Variants in ABHD17B observed in about 807,000 individuals in gnomAD.
ABHD17B encodes the protein abhydrolase domain containing 17B, depalmitoylase, also known as alpha/beta hydrolase domain-containing protein 17B.
ABHD17B carries 9 observed loss-of-function variants against 26.2 expected under a neutral mutation model. The ratio of observed to expected loss-of-function variants is 0.34; its 90% confidence interval spans 0.21 to 0.60. The LOEUF (loss-of-function observed/expected upper bound fraction) is 0.60, where lower values mean the gene tolerates loss of function less well. ABHD17B is among the 20% of genes least tolerant of loss of function. The pLI is 0.80. For missense variants in ABHD17B, 224 were observed against 352.1 expected, an observed-to-expected ratio of 0.64 and a Z score of 2.91; for synonymous variants, 127 against 122.3, an observed-to-expected ratio of 1.04 and a Z score of -0.25.
intron 1 of ABHD17B, among the ~76,000 whole-genome samples, 197 bp from the exon 2 acceptor site, chr9:71,875,280 C>T (rs927532167): frequency 3.7e-4 from 55 of 150,520 alleles, no homozygotes; most frequent in African/African-American, 1.3e-3. Context: ...GGCTGGAGTG[C>T]AATGGCGCAA....
chr9:71,862,454 G>A (rs1216041199), downstream of ABHD17B: 6 of 1,083,154 alleles, frequency 5.5e-6, no homozygotes, highest in Non-Finnish European at 6.2e-6. Flanking sequence ...GACTAACATT[G>A]GAGAGCAAAT....
intron 1 of ABHD17B, among the ~76,000 whole-genome samples, chr9:71,890,543 G>T (rs1826752082): frequency 6.6e-6 from 1 of 151,992 alleles, no homozygotes; most frequent in South Asian, 2.1e-4. Context: ...TTATCTATTG[G>T]TTGATTCTCA....
At chr9:71,900,966 T>C (rs1009275524) in intron 1 of ABHD17B, among the ~76,000 whole-genome samples, 5 of 151,754 alleles carry the variant, frequency 3.3e-5, no homozygotes, top group Non-Finnish European at 7.4e-5. Context: ...TGGCTAACAC[T>C]GTGAAACCCC....
At chr9:71,864,246 G>T (rs544615764), downstream of ABHD17B, among the ~76,000 whole-genome samples, 117 of 114,730 alleles carry the variant, frequency 1.0e-3, no homozygotes, top group African/African-American at 3.8e-3. Flanking sequence ...TTGAGACAGA[G>T]TCTCGCTCTG....
intron 1 of ABHD17B, among the ~76,000 whole-genome samples, chr9:71,900,871 T>C (rs1019187796): frequency 5.9e-5 from 9 of 151,860 alleles, no homozygotes; most frequent in African/African-American, 2.2e-4. Context: ...TTGCATGGGC[T>C]GGGTGCAGTG....
chr9:71,890,403 A>G (rs1826747829), intron 1 of ABHD17B, among the ~76,000 whole-genome samples: 1 of 152,168 alleles, frequency 6.6e-6, no homozygotes, highest in Non-Finnish European at 1.5e-5. Flanking sequence ...TTATAGCTGA[A>G]CCTGTATTTC....
At chr9:71,869,915 C>T (rs2132126415) in intron 3 of ABHD17B, among the ~76,000 whole-genome samples, 168 bp downstream of exon 3, 1 of 152,324 alleles carries the variant, frequency 6.6e-6, no homozygotes, top group South Asian at 2.1e-4. Flanking sequence ...AGCCTTCTGA[C>T]TGGTCACCTG....
intron 1 of ABHD17B, 124 bp from the exon 2 acceptor site, chr9:71,875,207 G>T: frequency 6.6e-6 from 5 of 758,448 alleles, no homozygotes; most frequent in Middle Eastern, 3.7e-4. Context: ...TTTTAGGTAT[G>T]ATTCCAAACA....
intron 3 of ABHD17B, among the ~76,000 whole-genome samples, chr9:71,867,983 G>C (rs1826004155): frequency 6.7e-6 from 1 of 149,870 alleles, no homozygotes; most frequent in Non-Finnish European, 1.5e-5. Flanking sequence ...GTAGTGGGTG[G>C]ATCACCTGAG....
rs531590770 is a variant in ABHD17B, at chr9:71,879,705, T to G, written c.-3-4622A>C. On this transcript the variant is annotated intron_variant, in intron 1 of 3. Transcript: ENST00000333421. ...TTTCAGAAAAGGCTTCCACTACTAC[T>G]AATAGCAAATAGCATTAACTGAACA... Among the ~76,000 whole-genome samples the G allele has an allele frequency of 2.0e-5, 3 of 152,348 alleles. No homozygotes were observed. In the South Asian group the frequency reaches 6.2e-4, roughly 32 times the overall value.
intron 2 of ABHD17B, among the ~76,000 whole-genome samples, chr9:71,871,163 C>T (rs188962094): frequency 1.3e-5 from 2 of 152,324 alleles, no homozygotes; most frequent in East Asian, 3.9e-4. Flanking sequence ...AGCAGTCACT[C>T]TGGCAGCTAA....
intron 1 of ABHD17B, among the ~76,000 whole-genome samples, chr9:71,902,224 T>C (rs1218760780): frequency 1.3e-5 from 2 of 152,184 alleles, no homozygotes; most frequent in East Asian, 3.8e-4. Flanking sequence ...CCCATGCTGA[T>C]TAATTTAGAT....
At chr9:71,874,363 T>TA (rs1206176488) in intron 2 of ABHD17B, among the ~76,000 whole-genome samples, 1 of 151,504 alleles carries the variant, frequency 6.6e-6, no homozygotes, top group African/African-American at 2.4e-5. Context: ...GAATTTAAGT[T>TA]AAAAAAAACA....
Position 71,865,869 on chromosome 9 carries a change from A to G in ABHD17B, c.*918T>C, listed in dbSNP as rs1825944037. 1 of 984,412 alleles carries G rather than the reference A, an allele frequency of 1.0e-6. No homozygotes were observed. The highest frequency in any genetic ancestry group is 1.2e-6 in the Non-Finnish European group (1 of 829,202). 61.0% of individuals were successfully genotyped at this position (984,412 alleles called of 1,614,324 possible). A position where few individuals can be genotyped will look rare whatever the true frequency, so the allele number is the denominator to read the frequency against. On this transcript the variant is annotated 3_prime_UTR_variant, in exon 4 of 4. Coordinates refer to ENST00000333421, the MANE Select transcript of ABHD17B (RefSeq NM_001025780.3). ...CAGCAAGACTCCATCTCAAAAAATG[A>G]AAAAAATAGCCAAAGTGAAAAGGGA...
chr9:71,909,364 C>T (rs1320613582), intron 1 of ABHD17B, among the ~76,000 whole-genome samples: 1 of 152,126 alleles, frequency 6.6e-6, no homozygotes, highest in Non-Finnish European at 1.5e-5. Flanking sequence ...CCCTATTCTC[C>T]AAATAAAAAC....
intron 2 of ABHD17B, among the ~76,000 whole-genome samples, chr9:71,872,771 T>C (rs1564061470): frequency 6.6e-6 from 1 of 152,122 alleles, no homozygotes; most frequent in Non-Finnish European, 1.5e-5. Context: ...CTGATATCAA[T>C]ATATGTAAAA....
chr9:71,910,151 T>C lies in ABHD17B; in HGVS notation c.-4+483A>G, dbSNP rs139392840. 1.1e-3 allele frequency among the ~76,000 whole-genome samples: 168 copies of C among 152,010 alleles called. 3 individuals are homozygous for C. The East Asian group carries it at 0.03, about 28-fold the overall frequency. Reference sequence around the variant, plus strand: ...AGCCCCGTGCAGATTCAATCTAAAATCGCGCCCGACAGAGATATAAGGACA... The same window carrying C: ...AGCCCCGTGCAGATTCAATCTAAAACCGCGCCCGACAGAGATATAAGGACA... On this transcript the variant is annotated intron_variant, in intron 1 of 3. Transcript: ENST00000333421.
At chr9:71,878,734 C>T (rs1826352224) in intron 1 of ABHD17B, among the ~76,000 whole-genome samples, 1 of 151,812 alleles carries the variant, frequency 6.6e-6, no homozygotes, top group Non-Finnish European at 1.5e-5. Flanking sequence ...ACTTAAGCAA[C>T]ATAGGAAAAC....
chr9:71,907,921 CACTTCACTTGGACAAA>C (rs1827334313), intron 1 of ABHD17B, among the ~76,000 whole-genome samples: 1 of 152,164 alleles, frequency 6.6e-6, no homozygotes, highest in Non-Finnish European at 1.5e-5. Context: ...TGTTAGTTCT[CACTTCACTTGGACAAA>C]ACTCTTGGGC....
Sources: gnomAD v4.1 joint callset for allele counts (sites outside exome capture counted in the v4.1 genomes callset) on GRCh38, gnomAD v4.1.1 for gene constraint, MANE v1.5 for transcripts, NCBI Gene and HGNC (gene_info 2026-07-23, HGNC 2026-07-21) for gene names.